RTN4R: variants seen among roughly 807,000 people sequenced by gnomAD.
RTN4R encodes the protein reticulon-4 receptor.
In RTN4R, 4 loss-of-function variants were observed where a neutral mutation model predicts 27.7. The observed-to-expected ratio is 0.14, with a 90% confidence interval of 0.07 to 0.33. RTN4R has a LOEUF of 0.33. Ranked by LOEUF, RTN4R falls within the 10% of genes least tolerant of loss-of-function variation. The pLI, the probability that RTN4R is intolerant of heterozygous loss-of-function variation, is 1.00. For synonymous variants in RTN4R, 290 were observed against 305.6 expected (o/e 0.95, Z 0.53); for missense variants, 554 against 671.5 (o/e 0.83, Z 1.93).
At chr22:20,248,379 A>C (rs1200540022) in intron 1 of RTN4R, among the ~76,000 whole-genome samples, 1 of 152,168 alleles carries the variant, frequency 6.6e-6, no homozygotes, top group Admixed American at 6.5e-5. Context: ...TGAGCTCCAC[A>C]GTCCTGTTTC....
At chr22:20,262,746 G>GGT (rs1161006072) in intron 1 of RTN4R, among the ~76,000 whole-genome samples, 2 of 152,196 alleles carry the variant, frequency 1.3e-5, no homozygotes, top group Non-Finnish European at 2.9e-5. Flanking sequence ...AGAGGCCTAC[G>GGT]GTGACCAGGA....
In RTN4R at chr22:20,241,932, C is replaced by G; in HGVS notation, c.1201G>C (p.Glu401Gln). 6.2e-7 allele frequency: 1 copy of G among 1,606,388 alleles called. No individual in the cohort carries two copies. Among genetic ancestry groups the G allele is most frequent in the Non-Finnish European group, 8.5e-7 (1 of 1,177,882 alleles). ...GGGAACCCTGGTGGCTCGGAGCCCT[C>G]GGGCCGCACTGCAGTGAGCGGGGGC... The part of the protein sequence containing the change: ...AEPPLTAVRP[E>Q]GSEPPGFPTS... Residue 401 changes from glutamate (E) to glutamine (Q), a missense_variant, in exon 2 of 2, where the codon GAG (glutamate) becomes CAG (glutamine). Transcript: ENST00000043402.
At chr22:20,244,274 G>A (rs1022048092) in intron 1 of RTN4R, among the ~76,000 whole-genome samples, 4 of 152,198 alleles carry the variant, frequency 2.6e-5, no homozygotes, top group Non-Finnish European at 1.5e-5. Flanking sequence ...GGAAGGAGTG[G>A]ACCACAGGCC....
Position 20,242,419 on chromosome 22 carries a change from T to C in RTN4R, c.714A>G (p.Leu238=), listed in dbSNP as rs1190081848. ...CCAGGGCCTCAGTGGGCAGCGCTGA[T>C]AGATTGTTGGCAAACAGATAGAGTG... is the stretch of plus-strand genomic sequence containing the variant. ...LMTLYLFANN[L]SALPTEALAP... The change falls in exon 2 of 2, where the codon CTA becomes CTG. Residue 238 remains leucine (L), a synonymous_variant. Coordinates refer to ENST00000043402, the MANE Select transcript of RTN4R (RefSeq NM_023004.6). The C allele has an allele frequency of 7.4e-6, 12 of 1,613,100 alleles. No homozygotes were observed. Among genetic ancestry groups the C allele is most frequent in the East Asian group, 2.2e-5 (1 of 44,840 alleles).
chr22:20,242,833 G>A lies in RTN4R; in HGVS notation c.300C>T (p.Ala100=). The change falls in exon 2 of 2, where the codon GCC becomes GCT. Residue 100 remains alanine (A), a synonymous_variant. Transcript: ENST00000043402. The stretch of plus-strand genomic sequence containing the variant: ...GCTCCAGGAGGGCCAGGCCAGTGAA[G>A]GCAGCCGCATCAATTCGGGCCAGCA... ...SNVLARIDAA[A]FTGLALLEQL... 1.2e-6 allele frequency: 2 copies of A among 1,613,070 alleles called. No homozygotes were observed. The highest frequency in any genetic ancestry group is 1.7e-6 in the Non-Finnish European group (2 of 1,179,960).
chr22:20,262,943 G>A (rs1430795318), intron 1 of RTN4R, among the ~76,000 whole-genome samples: 2 of 152,220 alleles, frequency 1.3e-5, no homozygotes, highest in Admixed American at 6.5e-5. Flanking sequence ...GACAATCCAG[G>A]AAGGCTCCCA....
rs773296037 is a variant in RTN4R at position 20,244,213 on chromosome 22, GA to G, written c.23-1104del. Among the ~76,000 whole-genome samples, 382 of 152,392 alleles carry G rather than the reference GA, an allele frequency of 2.5e-3. 1 individual carries two copies. Among genetic ancestry groups the G allele is most frequent in the Non-Finnish European group, 3.7e-3 (253 of 68,040 alleles). On this transcript the variant is annotated intron_variant, in intron 1 of 1. Coordinates refer to ENST00000043402, the MANE Select transcript of RTN4R (RefSeq NM_023004.6). The stretch of plus-strand genomic sequence containing the variant: ...TTCCACGGCAGCTGGCTAAGAGCAG[GA>G]TTCTGCAGACATGAGGCCGGCTAAG...
Position 20,268,124 on chromosome 22 carries a change from G to T in RTN4R, c.-32C>A. On this transcript the variant is annotated 5_prime_UTR_variant, in exon 1 of 2. Transcript: ENST00000043402. ...GGTTGGGCGGGGCGCGTCGGGGACT[G>T]AAAGTCGTTTCGGGGCGGGCGCCCG... 1.8e-6 allele frequency: 2 copies of T among 1,128,868 alleles called. No homozygotes were observed. Among genetic ancestry groups the T allele is most frequent in the Non-Finnish European group, 2.2e-6 (2 of 920,320 alleles). 69.9% of individuals were successfully genotyped at this position (1,128,868 alleles called of 1,614,324 possible).
intron 1 of RTN4R, among the ~76,000 whole-genome samples, chr22:20,265,436 T>G (rs1306408573): frequency 6.6e-6 from 1 of 152,158 alleles, no homozygotes; most frequent in East Asian, 1.9e-4. Flanking sequence ...CCCTCTGGCT[T>G]TCAGAGACGT....
intron 1 of RTN4R, among the ~76,000 whole-genome samples, chr22:20,262,579 C>T (rs1411471856): frequency 6.6e-6 from 1 of 152,216 alleles, no homozygotes; most frequent in Non-Finnish European, 1.5e-5. Context: ...CCTGGGACCA[C>T]CAAGGGCCAG....
At chr22:20,264,399 G>C (rs936817659) in intron 1 of RTN4R, among the ~76,000 whole-genome samples, 1 of 152,184 alleles carries the variant, frequency 6.6e-6, no homozygotes. Context: ...GACAGTGCAG[G>C]GAGATTTGTG....
chr22:20,245,701 T>C (rs904336264), intron 1 of RTN4R, among the ~76,000 whole-genome samples: 1 of 152,224 alleles, frequency 6.6e-6, no homozygotes, highest in African/African-American at 2.4e-5. Flanking sequence ...TCTATCTGCC[T>C]GGCCAACTCT....
chr22:20,265,796 G>T (rs1272018493), intron 1 of RTN4R, among the ~76,000 whole-genome samples: 4 of 152,206 alleles, frequency 2.6e-5, no homozygotes, highest in Non-Finnish European at 5.9e-5. Flanking sequence ...GAGGTGTTGT[G>T]GGCATTCTGA....
chr22:20,259,762 G>A (rs1257012006), intron 1 of RTN4R, among the ~76,000 whole-genome samples: 1 of 152,180 alleles, frequency 6.6e-6, no homozygotes, highest in Non-Finnish European at 1.5e-5. Flanking sequence ...CAATGTGGGA[G>A]GCTCAGAGTC....
intron 1 of RTN4R, among the ~76,000 whole-genome samples, chr22:20,253,755 G>A (rs965602222): frequency 6.6e-6 from 1 of 152,082 alleles, no homozygotes; most frequent in Non-Finnish European, 1.5e-5. Flanking sequence ...CATAGATGGG[G>A]ATTTAAAACA....
intron 1 of RTN4R, chr22:20,243,749 ATT>A (rs2051124003): frequency 1.2e-5 from 4 of 335,962 alleles, no homozygotes; most frequent in South Asian, 9.2e-5. Flanking sequence ...CCCTGGCCTC[ATT>A]CTCTGCTCCA....
At chr22:20,258,610 G>C (rs972342129) in intron 1 of RTN4R, among the ~76,000 whole-genome samples, 2 of 150,572 alleles carry the variant, frequency 1.3e-5, no homozygotes, top group South Asian at 4.1e-4. Context: ...AGTGAGCCAC[G>C]GGGGGCTATG....
At position 20,256,282 on chromosome 22, in the gene RTN4R, G is replaced by A. The variant is rs62219712; in HGVS notation, c.22+11789C>T. ...CCTCAAGTCCAAGGCCACACTGGGC[G>A]TCACCACAGGGTCATCAGGGGTCAG... is the stretch of plus-strand genomic sequence containing the variant. On this transcript the variant is annotated intron_variant, in intron 1 of 1. Coordinates refer to ENST00000043402, the MANE Select transcript of RTN4R (RefSeq NM_023004.6). Among the ~76,000 whole-genome samples the A allele has an allele frequency of 1.3e-3, 197 of 152,300 alleles. 1 individual carries two copies. In the Middle Eastern group the frequency reaches 0.027, roughly 21 times the overall value.
At chr22:20,246,242 T>C (rs544617406) in intron 1 of RTN4R, among the ~76,000 whole-genome samples, 10 of 152,314 alleles carry the variant, frequency 6.6e-5, no homozygotes, top group Non-Finnish European at 1.5e-4. Context: ...GACCGGATAC[T>C]GACCCAGAGC....
Sources: allele counts gnomAD v4.1 joint callset (sites outside exome capture counted in the v4.1 genomes callset), GRCh38; gene constraint gnomAD v4.1.1; transcripts MANE v1.5; gene names NCBI Gene and HGNC (gene_info 2026-07-23, HGNC 2026-07-21).